ADAMTS19: variants seen among roughly 807,000 people sequenced by gnomAD.
ADAMTS19 encodes the protein A disintegrin and metalloproteinase with thrombospondin motifs 19.
A neutral mutation model predicts 153.3 loss-of-function variants in ADAMTS19; 93 were observed. The ratio of observed to expected loss-of-function variants is 0.61; its 90% CI spans 0.51 to 0.72. The LOEUF (loss-of-function observed/expected upper bound fraction) is 0.72. Among genes scored for constraint, ADAMTS19 ranks in the 30% least tolerant of loss-of-function variants. ADAMTS19 has a pLI of 0.00. For missense variants in ADAMTS19, 1,482 were observed against 1,552.1 expected, an observed-to-expected ratio of 0.95 and a Z score of 0.76; for synonymous variants, 600 against 556.6, an observed-to-expected ratio of 1.08 and a Z score of -1.10.
chr5:129,547,920 G>A (rs1428763527), intron 6 of ADAMTS19, among the ~76,000 whole-genome samples: 3 of 150,796 alleles, frequency 2.0e-5, no homozygotes, highest in Admixed American at 6.6e-5. Flanking sequence ...AACAAGCAAT[G>A]GGGAAAGGAT....
intron 16 of ADAMTS19, among the ~76,000 whole-genome samples, chr5:129,666,046 A>T (rs1489309344): frequency 6.6e-6 from 1 of 151,350 alleles, no homozygotes; most frequent in Non-Finnish European, 1.5e-5. Flanking sequence ...AATGTTCTAC[A>T]TACTAAAGGA....
At chr5:129,692,596 T>C (rs1419110711) in intron 18 of ADAMTS19, among the ~76,000 whole-genome samples, 3 of 152,158 alleles carry the variant, frequency 2.0e-5, no homozygotes, top group Non-Finnish European at 4.4e-5. Flanking sequence ...TCAGAGGGTG[T>C]AGTTTCCACA....
chr5:129,461,391 G>T lies in ADAMTS19; in HGVS notation c.381G>T (p.Glu127Asp). The stretch of plus-strand genomic sequence containing the variant: ...AGGACGAGGAGCTCGAGTCGCAGGA[G>T]CTGCCGCGGGGATCCAGCGGGGCTG... ...GEEDEELESQ[E>D]LPRGSSGAAA... Residue 127 changes from glutamate to aspartate, a missense_variant, in exon 2 of 23, where the codon GAG becomes GAT. By Grantham distance (45) the Glu-to-Asp change is conservative. This residue lies in a region of ADAMTS19 where 866 missense variants were observed against 827.7 expected (regional missense o/e 1.05). Transcript: ENST00000274487. This position sits in a 1 kb window ranked among gnomAD's most constrained non-coding sequence, Gnocchi z 4.6. 1 of 1,352,386 alleles carries T rather than the reference G, an allele frequency of 7.4e-7. No individual in the cohort carries two copies. Among genetic ancestry groups the T allele is most frequent in the Non-Finnish European group, 9.4e-7 (1 of 1,063,724 alleles). 83.8% of individuals were successfully genotyped at this position (1,352,386 alleles called of 1,614,324 possible).
Position 129,535,223 on chromosome 5 carries a change from A to G in ADAMTS19, c.1328+6546A>G, listed in dbSNP as rs561497358. On this transcript the variant is annotated intron_variant, in intron 6 of 22. Coordinates refer to ENST00000274487, the MANE Select transcript of ADAMTS19 (RefSeq NM_133638.6). ...TAAGCAACTTCAGCAAATTCTCAGG[A>G]TACAAAATCAATGTGCAAAAATCAC... is the stretch of plus-strand genomic sequence containing the variant. 1.8e-4 allele frequency among the ~76,000 whole-genome samples: 28 copies of G among 152,328 alleles called. No homozygotes were observed. In the East Asian group the frequency reaches 5.0e-3, roughly 27 times the overall value.
intron 6 of ADAMTS19, among the ~76,000 whole-genome samples, chr5:129,546,136 A>G (rs1177963631): frequency 6.7e-6 from 1 of 149,204 alleles, no homozygotes; most frequent in African/African-American, 2.6e-5. Flanking sequence ...TATCGCAAGA[A>G]CAAAAAACCA....
At chr5:129,536,314 C>T (rs1031247795) in intron 6 of ADAMTS19, among the ~76,000 whole-genome samples, 3 of 152,140 alleles carry the variant, frequency 2.0e-5, no homozygotes, top group Non-Finnish European at 4.4e-5. Context: ...TGAAAAAATG[C>T]TCATCATCAC....
intron 21 of ADAMTS19, among the ~76,000 whole-genome samples, chr5:129,717,353 A>T (rs1756778948): frequency 6.6e-6 from 1 of 152,138 alleles, no homozygotes; most frequent in Non-Finnish European, 1.5e-5. Context: ...GTATATATTT[A>T]TGGGTTGATT....
At chr5:129,630,275 A>G (rs1752230029) in intron 10 of ADAMTS19, among the ~76,000 whole-genome samples, 1 of 152,114 alleles carries the variant, frequency 6.6e-6, no homozygotes, top group African/African-American at 2.4e-5. Flanking sequence ...GTAATTTGGC[A>G]TTGCAAAATT....
At chr5:129,561,021 A>C (rs919653290) in intron 7 of ADAMTS19, among the ~76,000 whole-genome samples, 2 of 152,216 alleles carry the variant, frequency 1.3e-5, no homozygotes, top group African/African-American at 4.8e-5. Context: ...TTATTGCTGT[A>C]TTAGAAATTA....
intron 8 of ADAMTS19, among the ~76,000 whole-genome samples, chr5:129,616,263 T>G (rs1334494070): frequency 6.6e-6 from 1 of 152,018 alleles, no homozygotes; most frequent in East Asian, 1.9e-4. Flanking sequence ...AATATGTAAT[T>G]AAATGTCATT....
chr5:129,556,648 T>C (rs1282537028), intron 7 of ADAMTS19, among the ~76,000 whole-genome samples: 1 of 152,126 alleles, frequency 6.6e-6, no homozygotes, highest in Admixed American at 6.6e-5. Context: ...TCACAAGAGT[T>C]CTTAAAAGTG....
chr5:129,511,942 C>T (rs1404816821), intron 3 of ADAMTS19, among the ~76,000 whole-genome samples: 2 of 151,892 alleles, frequency 1.3e-5, no homozygotes, highest in African/African-American at 4.8e-5. Context: ...GGGTCAAGAA[C>T]ATTTCAGGCA....
chr5:129,623,493 A>C (rs1442860530), intron 10 of ADAMTS19, among the ~76,000 whole-genome samples: 1 of 152,192 alleles, frequency 6.6e-6, no homozygotes, highest in African/African-American at 2.4e-5. Flanking sequence ...TGAATGCCTC[A>C]AAGGAGTTTG....
intron 18 of ADAMTS19, among the ~76,000 whole-genome samples, chr5:129,693,133 G>A (rs1207362399): frequency 6.6e-6 from 1 of 152,070 alleles, no homozygotes; most frequent in East Asian, 1.9e-4. Flanking sequence ...AATTGCGGTA[G>A]GACTATGCTC....
intron 19 of ADAMTS19, among the ~76,000 whole-genome samples, chr5:129,699,345 C>T (rs1755718158): frequency 6.6e-6 from 1 of 151,450 alleles, no homozygotes; most frequent in Admixed American, 6.6e-5. Flanking sequence ...ACAGCTTGAA[C>T]CCAGGAGGTG....
At chr5:129,474,130 A>G (rs1355835720) in intron 2 of ADAMTS19, among the ~76,000 whole-genome samples, 1 of 152,062 alleles carries the variant, frequency 6.6e-6, no homozygotes, top group East Asian at 1.9e-4. Flanking sequence ...TTTGTCTTTC[A>G]TATAAATGTA....
chr5:129,605,643 G>GTATA (rs1181769049), intron 8 of ADAMTS19, among the ~76,000 whole-genome samples: 1 of 152,018 alleles, frequency 6.6e-6, no homozygotes, highest in Non-Finnish European at 1.5e-5. Context: ...TCTTCTGTTT[G>GTATA]TATATAATGA....
intron 13 of ADAMTS19, among the ~76,000 whole-genome samples, chr5:129,650,900 C>T (rs560743869): frequency 6.6e-6 from 1 of 152,232 alleles, no homozygotes; most frequent in South Asian, 2.1e-4. Flanking sequence ...CTGGATTCCA[C>T]CAACACAAGT....
chr5:129,461,647 G>T lies in ADAMTS19; in HGVS notation c.637G>T (p.Ala213Ser), dbSNP rs771063066. 27 of 1,591,326 alleles carry T rather than the reference G, an allele frequency of 1.7e-5. No individual in the cohort carries two copies. The highest frequency in any genetic ancestry group is 2.1e-5 in the Non-Finnish European group (25 of 1,174,770). Residue 213 changes from alanine (A) to serine (S), a missense_variant, in exon 2 of 23, where the codon GCA (alanine) becomes TCA (serine). Ala to Ser is a moderately conservative substitution (Grantham distance 99). Coordinates refer to ENST00000274487, the MANE Select transcript of ADAMTS19 (RefSeq NM_133638.6). This position sits in a 1 kb window ranked among gnomAD's most constrained non-coding sequence, Gnocchi z 4.6. ...TCCCGGCCCCGGCCCCACGGGGGCA[G>T]CATCCGCCCCGCAACCTCCCGCGCC... The part of the protein sequence containing the change: ...PNPGPGPTGA[A>S]SAPQPPAPPD...
Sources: gnomAD v4.1 joint callset for allele counts (sites outside exome capture counted in the v4.1 genomes callset) on GRCh38, gnomAD v4.1.1 for gene constraint, gnomAD v4.1.1 regional missense constraint, Gnocchi (gnomAD v3.1) non-coding constraint, MANE v1.5 for transcripts, NCBI Gene and HGNC (gene_info 2026-07-23, HGNC 2026-07-21) for gene names.